Variants in MARCHF3 observed in about 807,000 individuals in gnomAD.
The protein encoded by MARCHF3 is E3 ubiquitin-protein ligase MARCHF3.
MARCHF3 carries 13 observed loss-of-function variants against 24.2 expected under a neutral mutation model. The observed-to-expected ratio is 0.54, with a 90% CI of 0.35 to 0.85. The LOEUF (loss-of-function observed/expected upper bound fraction) is 0.85. Among genes scored for constraint, MARCHF3 ranks in the 40% least tolerant of loss-of-function variants. The pLI is 0.01. For synonymous variants in MARCHF3, 144 were observed against 137.3 expected, an observed-to-expected ratio of 1.05 and a Z score of -0.34; for missense variants, 276 against 325.0, an observed-to-expected ratio of 0.85 and a Z score of 1.16.
chr5:126,960,144 G>A (rs1054321131), intron 1 of MARCHF3, among the ~76,000 whole-genome samples: 7 of 152,104 alleles, frequency 4.6e-5, no homozygotes, highest in Non-Finnish European at 8.8e-5. Context: ...CAGCAAGAAC[G>A]TGACTTTCTA....
chr5:126,976,193 T>C (rs889619033), intron 1 of MARCHF3, among the ~76,000 whole-genome samples: 3 of 152,268 alleles, frequency 2.0e-5, no homozygotes, highest in Non-Finnish European at 4.4e-5. Context: ...TTAAGATACA[T>C]TTTTGTTATG....
chr5:126,911,653 G>C (rs1754535798), intron 3 of MARCHF3, among the ~76,000 whole-genome samples: 2 of 152,206 alleles, frequency 1.3e-5, no homozygotes, highest in East Asian at 1.9e-4. Flanking sequence ...TGTTATACTG[G>C]CTTACCTTGC....
intron 3 of MARCHF3, among the ~76,000 whole-genome samples, chr5:126,880,815 C>A (rs968688084): frequency 3.9e-5 from 6 of 152,208 alleles, no homozygotes; most frequent in African/African-American, 1.4e-4. Context: ...CTGGTGTACT[C>A]TTCTCTGTAC....
At chr5:127,021,343 G>T (rs531215444) in intron 1 of MARCHF3, among the ~76,000 whole-genome samples, 1 of 152,138 alleles carries the variant, frequency 6.6e-6, no homozygotes, top group South Asian at 2.1e-4. Context: ...AGGATGGCAA[G>T]AAACCAAATT....
intron 1 of MARCHF3, among the ~76,000 whole-genome samples, chr5:126,953,384 T>C (rs1441753822): frequency 6.6e-6 from 1 of 152,174 alleles, no homozygotes; most frequent in African/African-American, 2.4e-5. Context: ...AGGATGAATA[T>C]TTGCTTGAAT....
chr5:126,937,788 T>C (rs540849154), intron 1 of MARCHF3, among the ~76,000 whole-genome samples: 1 of 152,354 alleles, frequency 6.6e-6, no homozygotes, highest in African/African-American at 2.4e-5. Context: ...AGGGAAATTC[T>C]TTTTAATTCT....
intron 1 of MARCHF3, among the ~76,000 whole-genome samples, chr5:126,962,689 T>C (rs1223022933): frequency 6.6e-6 from 1 of 152,092 alleles, no homozygotes; most frequent in East Asian, 1.9e-4. Flanking sequence ...ATGAATTTCA[T>C]GTTTAGACTT....
chr5:127,010,598 C>T (rs1250804444), intron 1 of MARCHF3, among the ~76,000 whole-genome samples: 1 of 152,170 alleles, frequency 6.6e-6, no homozygotes, highest in Non-Finnish European at 1.5e-5. Flanking sequence ...GAGAGCCGAG[C>T]TTCCAATCCC....
At position 126,997,201 on chromosome 5, in the gene MARCHF3, T is replaced by A. The variant is rs182861210; in HGVS notation, c.-57+33149A>T. Among the ~76,000 whole-genome samples the A allele has an allele frequency of 1.3e-3, 194 of 152,308 alleles. 1 individual carries two copies. The highest frequency in any genetic ancestry group is 4.5e-3 in the African/African-American group (187 of 41,550). On this transcript the variant is annotated intron_variant, in intron 1 of 4. Transcript: ENST00000308660. ...TTAAATCATTTAATTTAGTAAGTGGTTACTGAGTAGGTTACTGTCCAATCC... is the reference window on the plus strand; with the variant it reads ...TTAAATCATTTAATTTAGTAAGTGGATACTGAGTAGGTTACTGTCCAATCC...
intron 1 of MARCHF3, among the ~76,000 whole-genome samples, chr5:126,948,095 C>T (rs1442833210): frequency 6.6e-6 from 1 of 152,160 alleles, no homozygotes; most frequent in Non-Finnish European, 1.5e-5. Context: ...ATGCCTACTT[C>T]CATTTCCCAG....
rs191679746 is a variant in MARCHF3, at chr5:126,880,030, A to G, written c.394-1636T>C. Among the ~76,000 whole-genome samples, 191 of 152,192 alleles carry G rather than the reference A, an allele frequency of 1.3e-3. 1 individual carries two copies. The highest frequency in any genetic ancestry group is 4.4e-3 in the African/African-American group (184 of 41,516). On this transcript the variant is annotated intron_variant, in intron 3 of 4. Transcript: ENST00000308660. ...AGGAAGAGAAGGGCCATGATGGGTG[A>G]GACAAGAGTGGGTGGGGCTGACAGG...
At chr5:126,920,080 TA>T (rs896655889) in intron 1 of MARCHF3, among the ~76,000 whole-genome samples, 1 of 152,230 alleles carries the variant, frequency 6.6e-6, no homozygotes, top group African/African-American at 2.4e-5. Context: ...CGGTATGTTA[TA>T]AAAACTATGG....
At chr5:126,986,945 T>C (rs953098106) in intron 1 of MARCHF3, among the ~76,000 whole-genome samples, 4 of 152,248 alleles carry the variant, frequency 2.6e-5, no homozygotes, top group African/African-American at 7.2e-5. Context: ...GAATAGAATG[T>C]ATGACAGTTT....
In MARCHF3 at chr5:126,966,796, C is replaced by T. The variant is rs543381942; in HGVS notation, c.-56-48569G>A. Among the ~76,000 whole-genome samples the T allele has an allele frequency of 1.1e-4, 17 of 151,798 alleles. No individual in the cohort carries two copies. The South Asian group carries it at 1.2e-3, about 11-fold the overall frequency. Reference sequence around the variant, plus strand: ...ACAGTGATGATTTCAAAGTTTATTACGGCACAGAGGCTGTTTGCTTTTATG... The same window carrying T: ...ACAGTGATGATTTCAAAGTTTATTATGGCACAGAGGCTGTTTGCTTTTATG... On this transcript the variant is annotated intron_variant, in intron 1 of 4. Transcript: ENST00000308660.
intron 1 of MARCHF3, among the ~76,000 whole-genome samples, chr5:127,011,596 A>G (rs1011515278): frequency 6.6e-6 from 1 of 152,132 alleles, no homozygotes; most frequent in Admixed American, 6.5e-5. Context: ...ATAAATAACA[A>G]ATCTTCCTCA....
At chr5:126,920,091 G>C (rs1026321240) in intron 1 of MARCHF3, among the ~76,000 whole-genome samples, 5 of 152,136 alleles carry the variant, frequency 3.3e-5, no homozygotes, top group African/African-American at 7.2e-5. Flanking sequence ...AAAAACTATG[G>C]AAGAGCACAA....
rs1243844496 is a variant in MARCHF3, at chr5:126,870,599, CAATG to C, written c.*30_*33del. ...AGTGCAGACACTTCCAAACCCCAAA[CAATG>C]AATCAAACAACCAACCAACCATACA... On this transcript the variant is annotated 3_prime_UTR_variant, in exon 5 of 5. Coordinates refer to ENST00000308660, the MANE Select transcript of MARCHF3 (RefSeq NM_178450.5). 6.2e-7 allele frequency: 1 copy of C among 1,605,254 alleles called. No individual in the cohort carries two copies. Among genetic ancestry groups the C allele is most frequent in the African/African-American group, 1.4e-5 (1 of 72,458 alleles).
chr5:127,012,982 A>G (rs1020516740), intron 1 of MARCHF3, among the ~76,000 whole-genome samples: 3 of 152,204 alleles, frequency 2.0e-5, no homozygotes, highest in Non-Finnish European at 2.9e-5. Context: ...ACTCAACTGA[A>G]TCTCCAAAAC....
intron 3 of MARCHF3, among the ~76,000 whole-genome samples, chr5:126,892,051 T>C (rs556026805): frequency 1.3e-5 from 2 of 152,172 alleles, no homozygotes; most frequent in African/African-American, 4.8e-5. Flanking sequence ...TTTGAAGCAA[T>C]TGTGAATGGG....
Sources: gnomAD v4.1 joint callset for allele counts (sites outside exome capture counted in the v4.1 genomes callset) on GRCh38, gnomAD v4.1.1 for gene constraint, MANE v1.5 for transcripts, NCBI Gene and HGNC (gene_info 2026-07-23, HGNC 2026-07-21) for gene names.